ERC1: variants seen among roughly 807,000 people sequenced by gnomAD.
ERC1 encodes the protein RAB6 interacting protein 2.
In ERC1, 56 loss-of-function variants were observed where a neutral mutation model predicts 132.0. The ratio of observed to expected loss-of-function variants is 0.42; its 90% CI spans 0.34 to 0.53. The LOEUF is 0.53. Among genes scored for constraint, ERC1 ranks in the 20% least tolerant of loss-of-function variants. The pLI is 0.03. For missense variants in ERC1, 1,202 were observed against 1,349.9 expected (o/e 0.89, Z 1.72); for synonymous variants, 478 against 476.1 (o/e 1.00, Z -0.05).
At chr12:1,159,669 A>G (rs1057439616) in intron 8 of ERC1, among the ~76,000 whole-genome samples, 3 of 151,916 alleles carry the variant, frequency 2.0e-5, no homozygotes, top group Non-Finnish European at 2.9e-5. Context: ...TATTCCCCTC[A>G]TTGTTCTTAT....
chr12:1,255,664 A>T (rs1304312342), intron 13 of ERC1, among the ~76,000 whole-genome samples: 9 of 94,520 alleles, frequency 9.5e-5, no homozygotes, highest in Non-Finnish European at 1.8e-4. Context: ...ACGGAGTCTC[A>T]TTCTGTTGCC....
intron 7 of ERC1, among the ~76,000 whole-genome samples, chr12:1,131,560 C>T (rs944369170): frequency 3.9e-5 from 6 of 152,082 alleles, no homozygotes; most frequent in African/African-American, 9.7e-5. Context: ...CTCCCGGGTT[C>T]GCACCATTCT....
intron 7 of ERC1, among the ~76,000 whole-genome samples, chr12:1,120,664 A>G (rs1392802476): frequency 6.6e-6 from 1 of 152,222 alleles, no homozygotes; most frequent in African/African-American, 2.4e-5. Context: ...GATTGTATCA[A>G]TAAGCCAAAA....
At chr12:1,101,311 A>G (rs1944631933) in intron 3 of ERC1, among the ~76,000 whole-genome samples, 1 of 152,166 alleles carries the variant, frequency 6.6e-6, no homozygotes, top group South Asian at 2.1e-4. Flanking sequence ...AGACAAGAAT[A>G]ATGCCTCGAA....
intron 3 of ERC1, among the ~76,000 whole-genome samples, chr12:1,103,625 C>G (rs1435985000): frequency 2.6e-5 from 4 of 152,056 alleles, no homozygotes; most frequent in African/African-American, 9.7e-5. Context: ...TTCCTGACTG[C>G]GGCTTGAGAG....
chr12:1,230,652 T>A (rs2074958294), intron 12 of ERC1, among the ~76,000 whole-genome samples: 1 of 152,220 alleles, frequency 6.6e-6, no homozygotes, highest in Admixed American at 6.5e-5. Context: ...TATCCATTGT[T>A]AAAAGTGGGG....
At chr12:1,440,782 G>A (rs1346221176) in intron 17 of ERC1, among the ~76,000 whole-genome samples, 1 of 151,460 alleles carries the variant, frequency 6.6e-6, no homozygotes, top group African/African-American at 2.4e-5. Context: ...CTGAGTAGCT[G>A]AGACTACAGG....
At chr12:1,333,922 AT>A (rs1259476428) in intron 15 of ERC1, among the ~76,000 whole-genome samples, 2 of 151,974 alleles carry the variant, frequency 1.3e-5, no homozygotes, top group African/African-American at 4.8e-5. Context: ...AGCATCTGTT[AT>A]TTTTTTACTT....
intron 15 of ERC1, among the ~76,000 whole-genome samples, chr12:1,362,927 A>G (rs74057184): frequency 0.025 from 3,778 of 152,306 alleles, 171 homozygotes; most frequent in African/African-American, 0.087. Context: ...TGTTTGCTAT[A>G]TGAGAACATT....
intron 8 of ERC1, among the ~76,000 whole-genome samples, chr12:1,146,308 G>GTTTTTTTTTTTTTTTTTTTTTTTTTT (rs1172108036): frequency 6.3e-5 from 2 of 31,812 alleles, no homozygotes; most frequent in African/African-American, 2.5e-4. Flanking sequence ...TATTTTACTG[G>GTTTTTTTTTTTTTTTTTTTTTTTTTT]TTTTTTTTTT....
rs1203550153 is a variant in ERC1, at chr12:1,190,044, G to A, written c.2343G>A (p.Glu781=). 6.2e-7 allele frequency: 1 copy of A among 1,613,112 alleles called. No individual in the cohort carries two copies. Among genetic ancestry groups the A allele is most frequent in the Non-Finnish European group, 8.5e-7 (1 of 1,179,396 alleles). ...EKNDKDKKIA[E]LERQVKDQNK... ...ATGACAAAGATAAGAAGATAGCTGA[G>A]TTGGAAAGGTAAGAAAGTGAAGCTG... is the stretch of plus-strand genomic sequence containing the variant. The change falls in exon 12 of 19, where the codon GAG becomes GAA. Residue 781 remains glutamate, a synonymous_variant. Coordinates refer to ENST00000360905, the MANE Select transcript of ERC1 (RefSeq NM_178040.4).
At chr12:1,359,794 T>G (rs935436344) in intron 15 of ERC1, among the ~76,000 whole-genome samples, 13 of 152,232 alleles carry the variant, frequency 8.5e-5, no homozygotes, top group African/African-American at 3.1e-4. Context: ...CCGTAAACTG[T>G]AGTTCCCTAC....
intron 15 of ERC1, among the ~76,000 whole-genome samples, chr12:1,358,050 T>C (rs2085710018): frequency 6.6e-6 from 1 of 152,070 alleles, no homozygotes; most frequent in African/African-American, 2.4e-5. Context: ...AATAGGAGAT[T>C]TGCCCAAGAA....
intron 15 of ERC1, among the ~76,000 whole-genome samples, chr12:1,325,682 G>T (rs1314625655): frequency 6.6e-6 from 1 of 152,066 alleles, no homozygotes; most frequent in East Asian, 1.9e-4. Context: ...AATTGACCAT[G>T]CCATTTATTC....
rs754283037 is a variant in ERC1 at position 1,028,584 on chromosome 12, G to C, written c.669+12G>C. ...AGGAGGAAAACCAGGTAAGTTCTAC[G>C]TGTGTTTACCTTTATTGGCTGAATT... On this transcript the variant is annotated intron_variant, in intron 2 of 18. Coordinates refer to ENST00000360905, the MANE Select transcript of ERC1 (RefSeq NM_178040.4). 8.8e-6 allele frequency: 14 copies of C among 1,591,072 alleles called. No individual in the cohort carries two copies. In the Admixed American group the frequency reaches 2.0e-4, roughly 22 times the overall value.
intron 12 of ERC1, among the ~76,000 whole-genome samples, chr12:1,211,308 C>T (rs1035041994): frequency 1.3e-5 from 2 of 152,016 alleles, no homozygotes; most frequent in Admixed American, 1.3e-4. Context: ...ACCCCCATGC[C>T]CGGCTAATTT....
chr12:1,405,347 G>A (rs2091407894), intron 16 of ERC1, among the ~76,000 whole-genome samples: 1 of 150,354 alleles, frequency 6.7e-6, no homozygotes, highest in Non-Finnish European at 1.5e-5. Flanking sequence ...TTTAAAATGT[G>A]CTTACATTAT....
chr12:1,405,778 C>G (rs993274988), intron 16 of ERC1, among the ~76,000 whole-genome samples: 10 of 152,068 alleles, frequency 6.6e-5, no homozygotes, highest in Non-Finnish European at 1.3e-4. Context: ...GGGCTGGTCA[C>G]CGTGGCTCAC....
intron 16 of ERC1, among the ~76,000 whole-genome samples, chr12:1,394,403 CAAAA>C (rs950565527): frequency 1.3e-5 from 2 of 151,592 alleles, no homozygotes; most frequent in African/African-American, 4.8e-5. Flanking sequence ...CCTCTAAAAA[CAAAA>C]AAAGAAAAAA....
Sources: gnomAD v4.1 joint callset for allele counts (sites outside exome capture counted in the v4.1 genomes callset) on GRCh38, gnomAD v4.1.1 for gene constraint, MANE v1.5 for transcripts, NCBI Gene and HGNC (gene_info 2026-07-23, HGNC 2026-07-21) for gene names.